Variants in JPH2 observed in about 807,000 individuals in gnomAD.
JPH2 encodes junctophilin 2, also known as junctophilin-2.
JPH2 carries 38 observed loss-of-function variants against 55.9 expected under a neutral mutation model. The observed-to-expected ratio is 0.68, with a 90% confidence interval of 0.52 to 0.89. JPH2 has a LOEUF of 0.89. Ranked by LOEUF, JPH2 falls within the 40% of genes least tolerant of loss-of-function variation. JPH2 has a pLI of 0.00. For synonymous variants in JPH2, 480 were observed against 472.4 expected, an observed-to-expected ratio of 1.02 and a Z score of -0.21; for missense variants, 964 against 1,037.6, an observed-to-expected ratio of 0.93 and a Z score of 0.97.
chr20:44,157,749 C>T (rs760344929), intron 2 of JPH2, among the ~76,000 whole-genome samples: 1 of 152,176 alleles, frequency 6.6e-6, no homozygotes, highest in Non-Finnish European at 1.5e-5. Flanking sequence ...CCCACATCAA[C>T]GAGCTAAAAA....
chr20:44,165,871 C>G (rs1158772748), intron 1 of JPH2, among the ~76,000 whole-genome samples: 2 of 152,174 alleles, frequency 1.3e-5, no homozygotes, highest in Non-Finnish European at 2.9e-5. Flanking sequence ...CGTGGCCACC[C>G]TACTTACGAT....
intron 2 of JPH2, among the ~76,000 whole-genome samples, chr20:44,127,487 CTTT>C (rs556108505): frequency 7.1e-6 from 1 of 140,904 alleles, no homozygotes. Flanking sequence ...TATCATCCTT[CTTT>C]TTTTTTTTTT....
Position 44,111,061 on chromosome 20 carries a change from C to A in JPH2, c.*2457G>T, listed in dbSNP as rs1240347320. On this transcript the variant is annotated 3_prime_UTR_variant, in exon 6 of 6. Coordinates refer to ENST00000372980, the MANE Select transcript of JPH2 (RefSeq NM_020433.5). ...AAAAGTCAAGAGAACTGCTTTCCTGCCACCAACTTGCTGTGTGCGTGACCT... is the reference window on the plus strand; with the variant it reads ...AAAAGTCAAGAGAACTGCTTTCCTGACACCAACTTGCTGTGTGCGTGACCT... Among the ~76,000 whole-genome samples the A allele has an allele frequency of 1.3e-5, 2 of 152,216 alleles. No individual in the cohort carries two copies. The highest frequency in any genetic ancestry group is 2.9e-5 in the Non-Finnish European group (2 of 68,042).
intron 2 of JPH2, 84 bp from the exon 3 acceptor site, chr20:44,118,707 T>G: frequency 9.4e-7 from 1 of 1,064,902 alleles, no homozygotes; most frequent in East Asian, 2.4e-5. Flanking sequence ...CAAAGAGACA[T>G]GCTAAACACA....
In JPH2 at chr20:44,116,258, G is replaced by A. The variant is rs1308500935; in HGVS notation, c.1417C>T (p.His473Tyr). The A allele has an allele frequency of 2.6e-6, 4 of 1,516,264 alleles. No homozygotes were observed. Among genetic ancestry groups the A allele is most frequent in the Non-Finnish European group, 3.5e-6 (4 of 1,137,360 alleles). 93.9% of individuals were successfully genotyped at this position (1,516,264 alleles called of 1,614,324 possible). ...TCGGGCCGAGGGGTCTCACGCTCGT[G>A]CAGCTGCGGGCTCTCGCGGGGCGGC... ...PQPPRESPQL[H>Y]ERETPRPEGG... Residue 473 changes from histidine (H) to tyrosine (Y), a missense_variant, in exon 4 of 6, where the codon CAC becomes TAC. Physicochemically the swap from His to Tyr is moderately conservative, Grantham distance 83. Coordinates refer to ENST00000372980, the MANE Select transcript of JPH2 (RefSeq NM_020433.5).
chr20:44,160,007 G>A lies in JPH2; in HGVS notation c.780C>T (p.Ala260=), dbSNP rs199840543. Residue 260 remains alanine (A), a synonymous_variant, in exon 2 of 6, where the codon GCC becomes GCT. Coordinates refer to ENST00000372980, the MANE Select transcript of JPH2 (RefSeq NM_020433.5). This position sits in a 1 kb window ranked among gnomAD's most constrained non-coding sequence, Gnocchi z 4.9. ...CCTCTCCCAGGCTGGCGGTGGACGC[G>A]GCGTCGCTGGCGCCCGAGCTGAGGT... ...KSDLSSGASD[A]ASTASLGEAA... is the part of the protein sequence containing the mutation. 601 of 1,573,500 alleles carry A rather than the reference G, an allele frequency of 3.8e-4. 7 individuals are homozygous for A. The East Asian group carries it at 0.013, about 34-fold the overall frequency.
chr20:44,140,983 G>C (rs1018995738), intron 2 of JPH2, among the ~76,000 whole-genome samples: 1 of 152,150 alleles, frequency 6.6e-6, no homozygotes, highest in African/African-American at 2.4e-5. Flanking sequence ...GACCGTGAAT[G>C]ATGTTTGTGC....
intron 5 of JPH2, 75 bp downstream of exon 5, chr20:44,114,707 C>A: frequency 9.0e-7 from 1 of 1,105,204 alleles, no homozygotes; most frequent in Non-Finnish European, 1.3e-6. Context: ...TAGGTCCCTC[C>A]TCCCACCACC....
At chr20:44,177,049 T>TG in intron 1 of JPH2, 2 of 985,418 alleles carry the variant, frequency 2.0e-6, no homozygotes, top group Non-Finnish European at 2.4e-6. Context: ...ACACCTGGGC[T>TG]GCTCTGTGGA....
intron 3 of JPH2, among the ~76,000 whole-genome samples, chr20:44,117,246 T>C (rs535548135): frequency 6.6e-6 from 1 of 152,230 alleles, no homozygotes; most frequent in Admixed American, 6.5e-5. Flanking sequence ...GCCACTGCAC[T>C]CCAGCCTGGT....
At chr20:44,138,234 C>A (rs1188782634) in intron 2 of JPH2, among the ~76,000 whole-genome samples, 1 of 152,048 alleles carries the variant, frequency 6.6e-6, no homozygotes. Context: ...TCTCGAACTC[C>A]TGACCTCGTG....
At chr20:44,145,529 G>A (rs1324229745) in intron 2 of JPH2, among the ~76,000 whole-genome samples, 3 of 151,888 alleles carry the variant, frequency 2.0e-5, no homozygotes, top group Non-Finnish European at 2.9e-5. Flanking sequence ...GCTTGAACGC[G>A]GGAGGAGGAG....
rs2072212974 is a variant in JPH2 at position 44,118,734 on chromosome 20, GCAGT to G, written c.1170-115_1170-112del. On this transcript the variant is annotated intron_variant, in intron 2 of 5. Coordinates refer to ENST00000372980, the MANE Select transcript of JPH2 (RefSeq NM_020433.5). ...CTAAACACAGCATTCTTTCACGCAG[GCAGT>G]CAATGAATATTTATTGAGCCTCATG... 7 of 847,904 alleles carry G rather than the reference GCAGT, an allele frequency of 8.3e-6. No homozygotes were observed. In the East Asian group the frequency reaches 1.7e-4, roughly 21 times the overall value. 52.5% of individuals were successfully genotyped at this position (847,904 alleles called of 1,614,324 possible). A position where few individuals can be genotyped will look rare whatever the true frequency, so the allele number is the denominator to read the frequency against.
chr20:44,174,563 C>T (rs2072719941), intron 1 of JPH2, among the ~76,000 whole-genome samples: 1 of 152,210 alleles, frequency 6.6e-6, no homozygotes, highest in Non-Finnish European at 1.5e-5. Context: ...CACTTGAGGT[C>T]AGGAGTTCGC....
intron 2 of JPH2, among the ~76,000 whole-genome samples, chr20:44,147,961 A>T (rs1268985377): frequency 6.6e-6 from 1 of 152,136 alleles, no homozygotes; most frequent in African/African-American, 2.4e-5. Flanking sequence ...TCAGGAATTC[A>T]AGATCAGCCT....
intron 2 of JPH2, among the ~76,000 whole-genome samples, chr20:44,152,474 G>C (rs571859647): frequency 6.6e-6 from 1 of 152,230 alleles, no homozygotes; most frequent in Admixed American, 6.5e-5. Context: ...CAAGGAGTTC[G>C]AGACCTACCT....
chr20:44,158,246 T>A (rs542702931), intron 2 of JPH2, among the ~76,000 whole-genome samples: 1 of 151,618 alleles, frequency 6.6e-6, no homozygotes, highest in South Asian at 2.1e-4. Context: ...GAAGGAGGAG[T>A]AGAGGTTAAG....
At chr20:44,136,795 G>A (rs1249863581) in intron 2 of JPH2, among the ~76,000 whole-genome samples, 2 of 152,138 alleles carry the variant, frequency 1.3e-5, no homozygotes, top group African/African-American at 4.8e-5. Context: ...TTCCCCATCT[G>A]TAAAATGGGT....
At position 44,160,936 on chromosome 20, in the gene JPH2, C is replaced by T. The variant is rs375296307; in HGVS notation, c.380-529G>A. Among the ~76,000 whole-genome samples the T allele has an allele frequency of 6.6e-6, 1 of 152,052 alleles. No homozygotes were observed. Among genetic ancestry groups the T allele is most frequent in the East Asian group, 1.9e-4 (1 of 5,166 alleles). On this transcript the variant is annotated intron_variant, in intron 1 of 5. Coordinates refer to ENST00000372980, the MANE Select transcript of JPH2 (RefSeq NM_020433.5). This position sits in a 1 kb window ranked among gnomAD's most constrained non-coding sequence, Gnocchi z 4.9. ...TCTCTCTACAAAAAAATTAGTCAGG[C>T]GTGGTGGCATGCACCTGTGGTCCCA...
Sources: gnomAD v4.1 joint callset for allele counts (sites outside exome capture counted in the v4.1 genomes callset) on GRCh38, gnomAD v4.1.1 for gene constraint, Gnocchi (gnomAD v3.1) non-coding constraint, MANE v1.5 for transcripts, NCBI Gene and HGNC (gene_info 2026-07-23, HGNC 2026-07-21) for gene names.